NFIB: variants seen among roughly 807,000 people sequenced by gnomAD.
The protein encoded by NFIB is nuclear factor I B.
NFIB carries 11 observed loss-of-function variants against 61.5 expected under a neutral mutation model. The observed-to-expected ratio is 0.18, with a 90% confidence interval of 0.11 to 0.30. The LOEUF (loss-of-function observed/expected upper bound fraction) is 0.30, where lower values mean the gene tolerates loss of function less well. Among genes scored for constraint, NFIB ranks in the 10% least tolerant of loss-of-function variants. NFIB has a pLI of 1.00. For missense variants in NFIB, 471 were observed against 608.9 expected (o/e 0.77, Z 2.38); for synonymous variants, 260 against 216.5 (o/e 1.20, Z -1.76).
the NFIB span, among the ~76,000 whole-genome samples, chr9:14,463,779 G>T: frequency 2.0e-5 from 3 of 149,126 alleles, no homozygotes; most frequent in Non-Finnish European, 4.4e-5. Context: ...TCCTGCCTCA[G>T]CCTCCCGAGT....
the NFIB span, among the ~76,000 whole-genome samples, chr9:14,445,381 A>C: frequency 2.0e-5 from 3 of 152,120 alleles, no homozygotes; most frequent in East Asian, 3.8e-4. Flanking sequence ...CCTGATCTTC[A>C]AGAGAGTGTT....
At chr9:14,494,825 T>C in the NFIB span, among the ~76,000 whole-genome samples, 20 of 152,286 alleles carry the variant, frequency 1.3e-4, no homozygotes, top group Admixed American at 2.6e-4. Flanking sequence ...CTCAATTGCC[T>C]AGGTCTCCAT....
At chr9:14,520,581 G>C in the NFIB span, among the ~76,000 whole-genome samples, 1 of 152,206 alleles carries the variant, frequency 6.6e-6, no homozygotes, top group African/African-American at 2.4e-5. Context: ...TTTAAAAGGA[G>C]GGGCTGAAAT....
At chr9:14,363,848 T>C (rs2132950949) in intron 1 of NFIB, among the ~76,000 whole-genome samples, 1 of 152,258 alleles carries the variant, frequency 6.6e-6, no homozygotes, top group South Asian at 2.1e-4. Context: ...GTCTTAGACA[T>C]CTTTCCATGT....
exon 1 of NFIB, chr9:14,398,684 C>T (rs2061712542): frequency 6.8e-6 from 9 of 1,326,608 alleles, no homozygotes; most frequent in South Asian, 1.3e-5. Flanking sequence ...CTGCCATTTG[C>T]GCTGTTTTAG....
At chr9:14,266,249 T>C (rs893271527) in intron 2 of NFIB, among the ~76,000 whole-genome samples, 5 of 152,154 alleles carry the variant, frequency 3.3e-5, no homozygotes, top group South Asian at 2.1e-4. Context: ...CTCTTTTTAA[T>C]TGACTACTAG....
At chr9:14,456,579 T>A in the NFIB span, among the ~76,000 whole-genome samples, 1 of 152,184 alleles carries the variant, frequency 6.6e-6, no homozygotes, top group African/African-American at 2.4e-5. Context: ...CTTATTCATA[T>A]GAAAGGATGC....
chr9:14,251,729 AATCCTGCACGGGC>A (rs1419957548), intron 2 of NFIB, among the ~76,000 whole-genome samples: 1 of 152,144 alleles, frequency 6.6e-6, no homozygotes, highest in Non-Finnish European at 1.5e-5. Context: ...CAGCCACCCA[AATCCTGCACGGGC>A]ATCCTGCACA....
At chr9:14,136,782 G>A (rs1286640047) in intron 6 of NFIB, among the ~76,000 whole-genome samples, 1 of 152,060 alleles carries the variant, frequency 6.6e-6, no homozygotes, top group Non-Finnish European at 1.5e-5. Context: ...ATTTAGTGTG[G>A]TAGAAAAAGA....
intron 2 of NFIB, among the ~76,000 whole-genome samples, chr9:14,228,197 CTTTTT>C (rs199731438): frequency 7.5e-6 from 1 of 132,568 alleles, no homozygotes; most frequent in Non-Finnish European, 1.6e-5. Context: ...CTTTATGATT[CTTTTT>C]TTTTTTTTTT....
At chr9:14,168,518 T>C (rs901380931) in intron 3 of NFIB, among the ~76,000 whole-genome samples, 1 of 152,222 alleles carries the variant, frequency 6.6e-6, no homozygotes, top group Non-Finnish European at 1.5e-5. Context: ...ATAGTCCATG[T>C]GTGCAACGGA....
At chr9:14,103,965 T>G (rs2036166600) in intron 10 of NFIB, among the ~76,000 whole-genome samples, 1 of 151,928 alleles carries the variant, frequency 6.6e-6, no homozygotes, top group African/African-American at 2.4e-5. Flanking sequence ...TCACCCAGGC[T>G]GGAATGTAGT....
At chr9:14,226,612 C>G (rs2052459484) in intron 2 of NFIB, among the ~76,000 whole-genome samples, 4 of 150,782 alleles carry the variant, frequency 2.7e-5, no homozygotes, top group Admixed American at 2.0e-4. Flanking sequence ...TTCTTATGAG[C>G]TTTATTAATA....
intron 6 of NFIB, among the ~76,000 whole-genome samples, chr9:14,142,242 C>G (rs747808232): frequency 6.6e-6 from 1 of 152,158 alleles, no homozygotes; most frequent in Non-Finnish European, 1.5e-5. Context: ...GGGGGCAGAT[C>G]TTTCCTGTGT....
intron 3 of NFIB, among the ~76,000 whole-genome samples, chr9:14,169,683 C>A (rs1054967791): frequency 6.6e-6 from 1 of 152,066 alleles, no homozygotes; most frequent in African/African-American, 2.4e-5. Flanking sequence ...TAGCCGGACA[C>A]GGCCCATGCC....
At chr9:14,194,127 C>A (rs755507102) in intron 2 of NFIB, among the ~76,000 whole-genome samples, 3 of 152,094 alleles carry the variant, frequency 2.0e-5, no homozygotes, top group Non-Finnish European at 4.4e-5. Context: ...TCAATCTATG[C>A]CACATAAGGC....
chr9:14,179,973 T>A (rs553782148), intron 2 of NFIB, among the ~76,000 whole-genome samples, 193 bp from the exon 3 acceptor site: 1 of 152,196 alleles, frequency 6.6e-6, no homozygotes, highest in Non-Finnish European at 1.5e-5. Context: ...CATATTTCTA[T>A]GTCAAAAGAA....
intron 2 of NFIB, among the ~76,000 whole-genome samples, chr9:14,290,257 A>T (rs2059001115): frequency 6.6e-6 from 1 of 152,084 alleles, no homozygotes; most frequent in African/African-American, 2.4e-5. Flanking sequence ...TACAGTATTT[A>T]AATTTTTGCC....
chr9:14,085,526 T>G lies in NFIB; in HGVS notation c.*2783A>C, dbSNP rs974465404. On this transcript the variant is annotated 3_prime_UTR_variant, in exon 11 of 11. Transcript: ENST00000380953. Reference sequence around the variant, plus strand: ...GGGTTTAATTCATCCACAGGAAGATTAATTGCTTAAAATTCTATATTTCCC... The same window carrying G: ...GGGTTTAATTCATCCACAGGAAGATGAATTGCTTAAAATTCTATATTTCCC... The G allele has an allele frequency of 4.5e-6, 1 of 219,932 alleles. No individual in the cohort carries two copies. Among genetic ancestry groups the G allele is most frequent in the Admixed American group, 5.8e-5 (1 of 17,300 alleles). 13.6% of individuals were successfully genotyped at this position (219,932 alleles called of 1,614,324 possible). A position where few individuals can be genotyped will look rare whatever the true frequency, so the allele number is the denominator to read the frequency against.
Sources: gnomAD v4.1 joint callset for allele counts (sites outside exome capture counted in the v4.1 genomes callset) on GRCh38, gnomAD v4.1.1 for gene constraint, MANE v1.5 for transcripts, NCBI Gene and HGNC (gene_info 2026-07-23, HGNC 2026-07-21) for gene names.